The following MACROD2 variants were observed in gnomAD, a reference collection of about 807,000 sequenced individuals.
The protein encoded by MACROD2 is ADP-ribose glycohydrolase MACROD2.
A neutral mutation model predicts 70.4 loss-of-function variants in MACROD2; 36 were observed. That is an observed-to-expected ratio of 0.51 (90% confidence interval 0.39 to 0.68). The LOEUF (loss-of-function observed/expected upper bound fraction) is 0.68. Ranked by LOEUF, MACROD2 falls within the 30% of genes least tolerant of loss-of-function variation. The pLI is 0.00. For missense variants in MACROD2, 496 were observed against 538.4 expected, an observed-to-expected ratio of 0.92 and a Z score of 0.78; for synonymous variants, 172 against 178.8, an observed-to-expected ratio of 0.96 and a Z score of 0.30.
At chr20:14,678,974 C>A (rs1311340084) in intron 4 of MACROD2, among the ~76,000 whole-genome samples, 1 of 151,622 alleles carries the variant, frequency 6.6e-6, no homozygotes, top group Non-Finnish European at 1.5e-5. Context: ...CAACACATTA[C>A]TTTTCCTCCC....
intron 3 of MACROD2, among the ~76,000 whole-genome samples, chr20:14,444,225 A>G (rs1392145975): frequency 6.6e-6 from 1 of 152,108 alleles, no homozygotes; most frequent in Non-Finnish European, 1.5e-5. Flanking sequence ...CCAGAGAGAT[A>G]CTTTGTCAGG....
At chr20:15,951,020 C>T (rs1425859940) in intron 12 of MACROD2, among the ~76,000 whole-genome samples, 3 of 152,110 alleles carry the variant, frequency 2.0e-5, no homozygotes, top group African/African-American at 7.2e-5. Context: ...TCTGGAAGAA[C>T]TCAAGAACGC....
intron 8 of MACROD2, among the ~76,000 whole-genome samples, chr20:15,550,936 A>C (rs566659070): frequency 6.6e-6 from 1 of 152,320 alleles, no homozygotes; most frequent in African/African-American, 2.4e-5. Context: ...CTCAATACTG[A>C]AGTGAAAATT....
At chr20:14,735,243 G>A (rs558386340) in intron 5 of MACROD2, among the ~76,000 whole-genome samples, 4 of 152,124 alleles carry the variant, frequency 2.6e-5, no homozygotes, top group Admixed American at 6.5e-5. Context: ...CATATCTGAT[G>A]AGTCTATCTA....
chr20:14,164,646 G>A (rs1324925797), intron 3 of MACROD2, among the ~76,000 whole-genome samples: 1 of 152,138 alleles, frequency 6.6e-6, no homozygotes, highest in Admixed American at 6.5e-5. Flanking sequence ...GGTGCCAGCT[G>A]TGGTGGTAGC....
intron 8 of MACROD2, among the ~76,000 whole-genome samples, chr20:15,647,851 C>A: frequency 6.6e-6 from 1 of 151,770 alleles, no homozygotes; most frequent in African/African-American, 2.4e-5. Context: ...TCCCAAGTAG[C>A]TGGAACTACA....
At chr20:15,597,430 G>A (rs1207527729) in intron 8 of MACROD2, among the ~76,000 whole-genome samples, 1 of 152,196 alleles carries the variant, frequency 6.6e-6, no homozygotes, top group Non-Finnish European at 1.5e-5. Context: ...CAGAAAGTTG[G>A]AAAAATGCTG....
intron 5 of MACROD2, among the ~76,000 whole-genome samples, chr20:15,035,223 A>G (rs2075303885): frequency 6.6e-6 from 1 of 151,976 alleles, no homozygotes; most frequent in African/African-American, 2.4e-5. Context: ...GTGAGTCCCC[A>G]TGTCTACAAA....
intron 3 of MACROD2, among the ~76,000 whole-genome samples, chr20:14,377,000 C>G (rs894886538): frequency 3.9e-5 from 6 of 152,078 alleles, no homozygotes; most frequent in African/African-American, 1.4e-4. Flanking sequence ...TAATCCCTGG[C>G]ACATAGGAGA....
intron 3 of MACROD2, among the ~76,000 whole-genome samples, chr20:14,412,055 T>A (rs1029353105): frequency 6.6e-6 from 1 of 152,188 alleles, no homozygotes; most frequent in Non-Finnish European, 1.5e-5. Flanking sequence ...CAAAACAAAA[T>A]AGCAGTTTTC....
At chr20:14,494,356 G>A (rs2084829059) in intron 4 of MACROD2, among the ~76,000 whole-genome samples, 1 of 151,910 alleles carries the variant, frequency 6.6e-6, no homozygotes, top group Admixed American at 6.6e-5. Context: ...TTCATCAGGA[G>A]GTTTCATTGT....
intron 6 of MACROD2, among the ~76,000 whole-genome samples, chr20:15,241,031 A>G (rs1440064298): frequency 6.6e-6 from 1 of 152,214 alleles, no homozygotes; most frequent in Non-Finnish European, 1.5e-5. Context: ...TAATGCAGTG[A>G]GTATGCAGGC....
intron 6 of MACROD2, among the ~76,000 whole-genome samples, chr20:15,371,802 A>T (rs2045498004): frequency 6.6e-6 from 1 of 152,222 alleles, no homozygotes; most frequent in African/African-American, 2.4e-5. Context: ...ATTATAGGAA[A>T]CATTGAAATC....
At chr20:16,029,564 G>A (rs1462905683) in intron 15 of MACROD2, among the ~76,000 whole-genome samples, 1 of 152,124 alleles carries the variant, frequency 6.6e-6, no homozygotes, top group Non-Finnish European at 1.5e-5. Flanking sequence ...CAAAAGGAAG[G>A]CACCTTTCTG....
At chr20:14,047,961 A>G (rs548464586) in intron 2 of MACROD2, among the ~76,000 whole-genome samples, 4 of 152,250 alleles carry the variant, frequency 2.6e-5, no homozygotes, top group South Asian at 4.1e-4. Flanking sequence ...GTTCCCAGAT[A>G]AACAGCAGGC....
intron 3 of MACROD2, among the ~76,000 whole-genome samples, chr20:14,471,298 G>A (rs143948664): frequency 2.1e-4 from 32 of 152,264 alleles, no homozygotes; most frequent in African/African-American, 7.5e-4. Flanking sequence ...TACCTCAGTT[G>A]GAAATGCTGA....
intron 13 of MACROD2, among the ~76,000 whole-genome samples, chr20:15,972,032 A>C (rs1176077289): frequency 6.6e-6 from 1 of 152,214 alleles, no homozygotes; most frequent in Non-Finnish European, 1.5e-5. Flanking sequence ...AAGTTATAGA[A>C]AGACCCAAAT....
intron 6 of MACROD2, among the ~76,000 whole-genome samples, chr20:15,233,979 T>TTTTATATA (rs1555795265): frequency 2.0e-5 from 1 of 49,012 alleles, no homozygotes; most frequent in African/African-American, 9.0e-5. Flanking sequence ...TTATATATAT[T>TTTTATATA]TATTTATATA....
At chr20:15,260,714 G>A (rs1040473610) in intron 6 of MACROD2, among the ~76,000 whole-genome samples, 1 of 151,856 alleles carries the variant, frequency 6.6e-6, no homozygotes, top group Non-Finnish European at 1.5e-5. Flanking sequence ...GGCTGTACCA[G>A]CTTACATTCC....
Sources: gnomAD v4.1 joint callset for allele counts (sites outside exome capture counted in the v4.1 genomes callset) on GRCh38, gnomAD v4.1.1 for gene constraint, MANE v1.5 for transcripts, NCBI Gene and HGNC (gene_info 2026-07-23, HGNC 2026-07-21) for gene names.